Variants in CDH18 observed in about 807,000 individuals in gnomAD.
CDH18 encodes cadherin 18.
In CDH18, 31 loss-of-function variants were observed where a neutral mutation model predicts 67.9. The ratio of observed to expected loss-of-function variants is 0.46; its 90% CI spans 0.34 to 0.62. The LOEUF (loss-of-function observed/expected upper bound fraction) is 0.62. CDH18 is among the 20% of genes least tolerant of loss of function. The pLI is 0.01. For synonymous variants in CDH18, 362 were observed against 347.2 expected, an observed-to-expected ratio of 1.04 and a Z score of -0.48; for missense variants, 890 against 975.5, an observed-to-expected ratio of 0.91 and a Z score of 1.17.
chr5:19,686,694 T>A (rs1761140706), intron 5 of CDH18, among the ~76,000 whole-genome samples: 1 of 152,140 alleles, frequency 6.6e-6, no homozygotes, highest in African/African-American at 2.4e-5. Flanking sequence ...CACATTGTGT[T>A]TTCAGAACAA....
intron 3 of CDH18, among the ~76,000 whole-genome samples, chr5:19,818,038 A>G (rs1291842420): frequency 6.6e-6 from 1 of 152,172 alleles, no homozygotes; most frequent in African/African-American, 2.4e-5. Flanking sequence ...TTTAAAAAGG[A>G]AACAGAATTG....
At chr5:20,288,693 G>A (rs1746873846) in intron 1 of CDH18, among the ~76,000 whole-genome samples, 1 of 151,790 alleles carries the variant, frequency 6.6e-6, no homozygotes, top group African/African-American at 2.4e-5. Context: ...ATCCTTTCTT[G>A]TGATAGTCAA....
intron 2 of CDH18, among the ~76,000 whole-genome samples, chr5:20,160,579 GA>G (rs1173436849): frequency 1.3e-5 from 2 of 151,968 alleles, no homozygotes; most frequent in Admixed American, 1.3e-4. Flanking sequence ...CTCTTCACTT[GA>G]AAAATAACAT....
intron 7 of CDH18, among the ~76,000 whole-genome samples, chr5:19,587,599 G>A (rs965377806): frequency 6.6e-6 from 1 of 150,974 alleles, no homozygotes; most frequent in African/African-American, 2.4e-5. Flanking sequence ...TCAGATAGTG[G>A]TAAGTATGCA....
intron 1 of CDH18, among the ~76,000 whole-genome samples, chr5:20,438,646 T>C (rs1749362840): frequency 6.6e-6 from 1 of 151,344 alleles, no homozygotes; most frequent in Non-Finnish European, 1.5e-5. Flanking sequence ...ATGATCAATA[T>C]GAGAAATGAG....
chr5:20,471,853 C>CAAAAAAAAA (rs1554005562), intron 1 of CDH18, among the ~76,000 whole-genome samples: 26 of 56,496 alleles, frequency 4.6e-4, no homozygotes, highest in Non-Finnish European at 8.2e-4. Flanking sequence ...AAAAAAAAAG[C>CAAAAAAAAA]AAAAGCATTG....
intron 1 of CDH18, among the ~76,000 whole-genome samples, chr5:20,353,325 T>A (rs979664416): frequency 6.6e-6 from 1 of 152,188 alleles, no homozygotes; most frequent in African/African-American, 2.4e-5. Flanking sequence ...TTTTCAGAGA[T>A]TGCTTTTCAA....
At chr5:20,481,642 CAA>C (rs534922433) in intron 1 of CDH18, among the ~76,000 whole-genome samples, 135 of 152,030 alleles carry the variant, frequency 8.9e-4, no homozygotes, top group South Asian at 7.3e-3. Context: ...AAATGAATAA[CAA>C]GAGGAACTTT....
chr5:19,711,650 T>TAAAAAAAAAAAAAAAAAA (rs3062941), intron 5 of CDH18, among the ~76,000 whole-genome samples: 1 of 115,606 alleles, frequency 8.7e-6, no homozygotes, highest in African/African-American at 3.6e-5. Context: ...TAGTATAAAG[T>TAAAAAAAAAAAAAAAAAA]AAAAAAAAAA....
intron 1 of CDH18, among the ~76,000 whole-genome samples, chr5:20,514,276 T>G (rs529877504): frequency 6.6e-6 from 1 of 152,106 alleles, no homozygotes; most frequent in Non-Finnish European, 1.5e-5. Flanking sequence ...GTGTCTGACA[T>G]AGGCACACTG....
At chr5:20,188,379 G>A (rs965740883) in intron 2 of CDH18, among the ~76,000 whole-genome samples, 10 of 151,874 alleles carry the variant, frequency 6.6e-5, no homozygotes, top group African/African-American at 2.4e-4. Flanking sequence ...CCCAATTACT[G>A]ATGCAAATCA....
At chr5:20,466,686 C>T (rs10473429) in intron 1 of CDH18, among the ~76,000 whole-genome samples, 43,171 of 151,704 alleles carry the variant, frequency 0.28, 6,425 homozygotes, top group East Asian at 0.39. Context: ...AGGAGTGTTG[C>T]GTCATCAGAG....
intron 1 of CDH18, among the ~76,000 whole-genome samples, chr5:20,386,046 T>C (rs778380533): frequency 3.9e-5 from 6 of 152,190 alleles, no homozygotes; most frequent in Non-Finnish European, 7.4e-5. Context: ...GTTCTGTTTA[T>C]GAGAAGAGAG....
chr5:20,321,644 T>C (rs1359832706), intron 1 of CDH18, among the ~76,000 whole-genome samples: 1 of 152,172 alleles, frequency 6.6e-6, no homozygotes. Flanking sequence ...CATTCCTTTC[T>C]TCCTTTTCCT....
chr5:20,521,853 T>C (rs2126523727), intron 1 of CDH18, among the ~76,000 whole-genome samples: 1 of 152,152 alleles, frequency 6.6e-6, no homozygotes, highest in South Asian at 2.1e-4. Flanking sequence ...CCAATAAAAA[T>C]GTTTTTTGAC....
At chr5:20,180,081 C>T (rs901494380) in intron 2 of CDH18, among the ~76,000 whole-genome samples, 4 of 152,132 alleles carry the variant, frequency 2.6e-5, no homozygotes, top group Non-Finnish European at 4.4e-5. Context: ...TGCCAGAATG[C>T]GCCAACAGTG....
intron 2 of CDH18, among the ~76,000 whole-genome samples, chr5:20,009,784 T>C (rs1457536695): frequency 6.6e-6 from 1 of 152,108 alleles, no homozygotes; most frequent in Non-Finnish European, 1.5e-5. Flanking sequence ...AGAAAACCCA[T>C]TTATAGATGA....
At chr5:20,285,033 T>C (rs928567864) in intron 1 of CDH18, among the ~76,000 whole-genome samples, 4 of 151,814 alleles carry the variant, frequency 2.6e-5, no homozygotes. Context: ...TCTATGGTTA[T>C]ACATTTTGCC....
At chr5:20,004,471 C>A (rs188689547) in intron 2 of CDH18, among the ~76,000 whole-genome samples, 1 of 152,314 alleles carries the variant, frequency 6.6e-6, no homozygotes, top group African/African-American at 2.4e-5. Context: ...GAGAACACTT[C>A]ACCCAATTGC....
Sources: gnomAD v4.1 joint callset for allele counts (sites outside exome capture counted in the v4.1 genomes callset) on GRCh38, gnomAD v4.1.1 for gene constraint, MANE v1.5 for transcripts, NCBI Gene and HGNC (gene_info 2026-07-23, HGNC 2026-07-21) for gene names.